The following PID1 variants were observed in gnomAD, a reference collection of about 807,000 sequenced individuals.
PID1 encodes phosphotyrosine interaction domain containing 1, also known as PTB-containing, cubilin and LRP1-interacting protein.
A neutral mutation model predicts 19.1 loss-of-function variants in PID1; 10 were observed. That is an observed-to-expected ratio of 0.52 (90% CI 0.32 to 0.89). The LOEUF (loss-of-function observed/expected upper bound fraction) is 0.89. Among genes scored for constraint, PID1 ranks in the 40% least tolerant of loss-of-function variants. PID1 has a pLI of 0.03. For missense variants in PID1, 248 were observed against 285.3 expected (o/e 0.87, Z 0.94); for synonymous variants, 130 against 116.0 (o/e 1.12, Z -0.78).
At chr2:229,204,751 A>AC (rs1316673113) in intron 1 of PID1, among the ~76,000 whole-genome samples, 1 of 152,124 alleles carries the variant, frequency 6.6e-6, no homozygotes, top group Non-Finnish European at 1.5e-5. Context: ...AACAGTGAGG[A>AC]CTGCTATAAA....
rs1691033098 is a variant in PID1, at chr2:229,184,207, TATATATATCCC to T, written c.31-28254_31-28244del. Reference sequence around the variant, plus strand: ...GTATATATCCCATATGTATATCCCATATATATATCCCATATATATATCCCATGTATATATAT... The same window carrying T: ...GTATATATCCCATATGTATATCCCATATATATATATCCCATGTATATATAT... On this transcript the variant is annotated intron_variant, in intron 1 of 2. Transcript: ENST00000392055. Among the ~76,000 whole-genome samples, 4 of 21,524 alleles carry T rather than the reference TATATATATCCC, an allele frequency of 1.9e-4. 2 individuals are homozygous for T. In the South Asian group the frequency reaches 3.2e-3, roughly 17 times the overall value. The allele number at this position is 21,524 out of a possible 152,430, so 14.1% of individuals were successfully genotyped here.
chr2:229,197,909 A>AATT (rs1305938042), intron 1 of PID1, among the ~76,000 whole-genome samples: 2 of 152,066 alleles, frequency 1.3e-5, no homozygotes, highest in African/African-American at 4.8e-5. Context: ...CATCAAAGAC[A>AATT]ATGCTCTGAA....
At position 229,189,516 on chromosome 2, in the gene PID1, G is replaced by A. The variant is rs192627078; in HGVS notation, c.31-33552C>T. ...TCAAGACCAGCCTGGCCAACATGGT[G>A]AAACCCCATCTCTACTAAAAACACA... On this transcript the variant is annotated intron_variant, in intron 1 of 2. Coordinates refer to ENST00000392055, the MANE Select transcript of PID1 (RefSeq NM_001100818.2). 8.5e-5 allele frequency among the ~76,000 whole-genome samples: 13 copies of A among 152,306 alleles called. No individual in the cohort carries two copies. The East Asian group carries it at 2.5e-3, about 29-fold the overall frequency.
chr2:229,181,289 G>A (rs1690940880), intron 1 of PID1, among the ~76,000 whole-genome samples: 2 of 152,108 alleles, frequency 1.3e-5, no homozygotes, highest in Admixed American at 1.3e-4. Context: ...AAGAGCCCAG[G>A]GGCAGAAAGC....
At chr2:229,070,915 C>A (rs1694438303) in intron 2 of PID1, among the ~76,000 whole-genome samples, 1 of 152,176 alleles carries the variant, frequency 6.6e-6, no homozygotes, top group Non-Finnish European at 1.5e-5. Flanking sequence ...GTGTCAAATT[C>A]TTCATTACCG....
intron 2 of PID1, among the ~76,000 whole-genome samples, chr2:229,047,866 T>C (rs968566468): frequency 6.6e-6 from 1 of 152,220 alleles, no homozygotes; most frequent in African/African-American, 2.4e-5. Flanking sequence ...CAAAGGTTTT[T>C]GAATGGCTTG....
At chr2:229,032,283 T>G (rs1373574564) in intron 2 of PID1, among the ~76,000 whole-genome samples, 2 of 152,204 alleles carry the variant, frequency 1.3e-5, no homozygotes, top group Non-Finnish European at 2.9e-5. Flanking sequence ...GAAAATTCCC[T>G]TTAATATTCT....
intron 1 of PID1, among the ~76,000 whole-genome samples, chr2:229,219,235 G>A (rs1691913122): frequency 6.6e-6 from 1 of 152,116 alleles, no homozygotes; most frequent in Admixed American, 6.5e-5. Context: ...ACGCGAGACT[G>A]GGTATTTTGT....
intron 2 of PID1, among the ~76,000 whole-genome samples, chr2:229,048,645 T>C (rs1272840865): frequency 2.0e-5 from 3 of 152,094 alleles, no homozygotes; most frequent in Admixed American, 2.0e-4. Flanking sequence ...GGGGTAGAAG[T>C]CAAAAGGAAG....
rs543775388 is a variant in PID1, at chr2:229,183,532, A to G, written c.31-27568T>C. Among the ~76,000 whole-genome samples, 3 of 152,276 alleles carry G rather than the reference A, an allele frequency of 2.0e-5. No individual in the cohort carries two copies. The South Asian group carries it at 6.2e-4, about 32-fold the overall frequency. On this transcript the variant is annotated intron_variant, in intron 1 of 2. Transcript: ENST00000392055. ...TCCTAATGTAGGTGGGATTCATCCAATTAGTTGAAGGCCTAAATAAAACCA... is the reference window on the plus strand; with the variant it reads ...TCCTAATGTAGGTGGGATTCATCCAGTTAGTTGAAGGCCTAAATAAAACCA...
At chr2:229,124,904 T>A (rs1020693975) in intron 2 of PID1, among the ~76,000 whole-genome samples, 7 of 152,200 alleles carry the variant, frequency 4.6e-5, no homozygotes, top group Admixed American at 2.6e-4. Flanking sequence ...GAGCTACAAT[T>A]CTAAAACTGT....
chr2:229,053,495 C>T (rs1322433878), intron 2 of PID1, among the ~76,000 whole-genome samples: 2 of 152,170 alleles, frequency 1.3e-5, no homozygotes, highest in Non-Finnish European at 2.9e-5. Context: ...ATCATATCCT[C>T]TCCTTTGCTG....
chr2:229,196,559 C>A (rs1416098894), intron 1 of PID1, among the ~76,000 whole-genome samples: 1 of 152,034 alleles, frequency 6.6e-6, no homozygotes, highest in African/African-American at 2.4e-5. Context: ...ACATCAGTTA[C>A]AACAATGCAT....
In PID1 at chr2:229,231,898, A is replaced by T. The variant is rs563607338; in HGVS notation, c.30+39116T>A. ...AAATACCACAGAGTAGATAATTTAT[A>T]AAAAAAAACAGAAATTGATTTTCTC... On this transcript the variant is annotated intron_variant, in intron 1 of 2. Transcript: ENST00000392055. 499 of 1,540,470 alleles carry T rather than the reference A, an allele frequency of 3.2e-4. 1 individual carries two copies. The highest frequency in any genetic ancestry group is 3.2e-3 in the Middle Eastern group (19 of 5,948).
chr2:229,247,117 C>CA (rs1375171983), intron 1 of PID1, among the ~76,000 whole-genome samples: 2 of 152,068 alleles, frequency 1.3e-5, no homozygotes, highest in African/African-American at 2.4e-5. Context: ...CATAGAGGAG[C>CA]AAAAATTTAA....
intron 1 of PID1, among the ~76,000 whole-genome samples, chr2:229,207,916 C>T (rs1003711550): frequency 6.6e-6 from 1 of 152,016 alleles, no homozygotes; most frequent in African/African-American, 2.4e-5. Flanking sequence ...GCCATTGAGA[C>T]CCCTACACAC....
intron 1 of PID1, among the ~76,000 whole-genome samples, chr2:229,263,778 C>G (rs1328492423): frequency 2.6e-5 from 4 of 152,198 alleles, no homozygotes; most frequent in Admixed American, 6.5e-5. Flanking sequence ...TGCTCCATGA[C>G]ACAAGAGGCA....
Position 229,025,345 on chromosome 2 carries a change from C to T in PID1, c.*287G>A, listed in dbSNP as rs1693389122. On this transcript the variant is annotated 3_prime_UTR_variant, in exon 3 of 3. Coordinates refer to ENST00000392055, the MANE Select transcript of PID1 (RefSeq NM_001100818.2). ...GCGTGGTGAAAACTGGCATGGAGCT[C>T]TCCCACAGAGAGGCATTGGGAAATG... 2.6e-6 allele frequency: 1 copy of T among 391,944 alleles called. No individual in the cohort carries two copies. Among genetic ancestry groups the T allele is most frequent in the Admixed American group, 4.2e-5 (1 of 23,610 alleles). 24.3% of individuals were successfully genotyped at this position (391,944 alleles called of 1,614,324 possible).
intron 1 of PID1, among the ~76,000 whole-genome samples, chr2:229,195,486 T>C (rs998626247): frequency 1.3e-5 from 2 of 151,896 alleles, no homozygotes; most frequent in Admixed American, 1.3e-4. Context: ...TTTCCATTCA[T>C]ATTGTGTCAT....
Sources: allele counts gnomAD v4.1 joint callset (sites outside exome capture counted in the v4.1 genomes callset), GRCh38; gene constraint gnomAD v4.1.1; transcripts MANE v1.5; gene names NCBI Gene and HGNC (gene_info 2026-07-23, HGNC 2026-07-21).